Variants in OVCH1 observed in about 807,000 individuals in gnomAD.
OVCH1 encodes the protein ovochymase 1, also known as ovochymase-1.
A neutral mutation model predicts 138.4 loss-of-function variants in OVCH1; 139 were observed. The ratio of observed to expected loss-of-function variants is 1.00; its 90% confidence interval spans 0.87 to 1.16. The LOEUF (loss-of-function observed/expected upper bound fraction) is 1.16, where lower values mean the gene tolerates loss of function less well. Ranked by LOEUF, OVCH1 falls within the 50% of genes most tolerant of loss-of-function variation. OVCH1 has a pLI of 0.00. For synonymous variants in OVCH1, 453 were observed against 467.8 expected, an observed-to-expected ratio of 0.97 and a Z score of 0.41; for missense variants, 1,367 against 1,357.9, an observed-to-expected ratio of 1.01 and a Z score of -0.11.
Position 29,475,820 on chromosome 12 carries a change from A to G in OVCH1, c.1471+386T>C, listed in dbSNP as rs566954120. Among the ~76,000 whole-genome samples, 5 of 152,326 alleles carry G rather than the reference A, an allele frequency of 3.3e-5. No individual in the cohort carries two copies. In the East Asian group the frequency reaches 7.7e-4, roughly 24 times the overall value. Reference sequence around the variant, plus strand: ...TGAAGTTTTAAAAGTCTTAAAATTAATTGTCAGACCCACGTAGAAATTATA... The same window carrying G: ...TGAAGTTTTAAAAGTCTTAAAATTAGTTGTCAGACCCACGTAGAAATTATA... On this transcript the variant is annotated intron_variant, in intron 13 of 27. Coordinates refer to ENST00000318184, the Ensembl canonical transcript of OVCH1.
chr12:29,435,614 A>G (rs546949585), intron 26 of OVCH1, among the ~76,000 whole-genome samples: 90 of 152,252 alleles, frequency 5.9e-4, no homozygotes, highest in African/African-American at 2.1e-3. Context: ...TCGGCCTCCC[A>G]AAGTGCTGGG....
chr12:29,465,307 T>C (rs543449922), intron 16 of OVCH1, 88 bp from the exon 17 acceptor site: 1 of 1,111,954 alleles, frequency 9.0e-7, no homozygotes, highest in African/African-American at 1.6e-5. Flanking sequence ...TCTGAGACTA[T>C]AAAGTCTTTC....
chr12:29,470,221 T>C (rs753900522), intron 16 of OVCH1, among the ~76,000 whole-genome samples: 15 of 152,298 alleles, frequency 9.8e-5, no homozygotes, highest in Middle Eastern at 6.8e-3. Context: ...TTTTCTCTTT[T>C]GATTTTTTAA....
rs1941605010 is a variant in OVCH1 at position 29,446,024 on chromosome 12, A to C, written c.2756-621T>G. Among the ~76,000 whole-genome samples the C allele has an allele frequency of 3.3e-5, 5 of 152,240 alleles. No individual in the cohort carries two copies. The South Asian group carries it at 1.0e-3, about 32-fold the overall frequency. ...GAGAGATACCTGCTGATTGTACTACATACAACTATGTGGCACTGACATCCC... is the reference window on the plus strand; with the variant it reads ...GAGAGATACCTGCTGATTGTACTACCTACAACTATGTGGCACTGACATCCC... On this transcript the variant is annotated intron_variant, in intron 22 of 27. Coordinates refer to ENST00000318184, the Ensembl canonical transcript of OVCH1.
intron 4 of OVCH1, 142 bp downstream of exon 4, chr12:29,495,143 T>C (rs10843437): frequency 0.46 from 378,583 of 820,982 alleles, 88,862 homozygotes; most frequent in East Asian, 0.51. Context: ...CAATAGGTTA[T>C]AGACCGAACA....
At chr12:29,468,588 C>T (rs1942396239) in intron 16 of OVCH1, among the ~76,000 whole-genome samples, 1 of 152,106 alleles carries the variant, frequency 6.6e-6, no homozygotes, top group Non-Finnish European at 1.5e-5. Context: ...TTTTCTAATA[C>T]ATTAATTTTC....
chr12:29,416,991 C>T (rs1439426478), intron 3 of OVCH1, among the ~76,000 whole-genome samples: 1 of 152,110 alleles, frequency 6.6e-6, no homozygotes, highest in African/African-American at 2.4e-5. Context: ...AATGAACTAT[C>T]AAAAGGAAAG....
intron 25 of OVCH1, among the ~76,000 whole-genome samples, 114 bp downstream of exon 26, chr12:29,439,739 A>G (rs901645169): frequency 5.3e-5 from 8 of 152,222 alleles, no homozygotes; most frequent in Non-Finnish European, 1.0e-4. Flanking sequence ...TTGCAAGTCC[A>G]GGTTGTCACA....
At chr12:29,432,880 T>C (rs1164214149) in intron 27 of OVCH1, among the ~76,000 whole-genome samples, 2 of 152,146 alleles carry the variant, frequency 1.3e-5, no homozygotes, top group Non-Finnish European at 2.9e-5. Flanking sequence ...GTCTGTGTCA[T>C]GACTGAGAAG....
intron 21 of OVCH1, among the ~76,000 whole-genome samples, chr12:29,453,059 T>G (rs1169547042): frequency 1.3e-5 from 2 of 152,214 alleles, no homozygotes. Context: ...CCACCATTTA[T>G]GGACCCTTAT....
At chr12:29,406,532 A>G in the OVCH1 span, among the ~76,000 whole-genome samples, 2 of 151,768 alleles carry the variant, frequency 1.3e-5, no homozygotes, top group Non-Finnish European at 2.9e-5. Flanking sequence ...TTCAGTTCCC[A>G]CCTATGAGTG....
chr12:29,451,653 T>C, intron 21 of OVCH1, 84 bp from the exon 22 acceptor site: 2 of 1,095,546 alleles, frequency 1.8e-6, no homozygotes, highest in Admixed American at 5.3e-5. Flanking sequence ...CTGAAAAATC[T>C]AGGCTTGCAA....
At chr12:29,436,321 T>G (rs1280960357) in intron 26 of OVCH1, among the ~76,000 whole-genome samples, 1 of 151,990 alleles carries the variant, frequency 6.6e-6, no homozygotes, top group African/African-American at 2.4e-5. Context: ...TTGAAAAATA[T>G]TTCTCTAGAA....
exon 14 of OVCH1, chr12:29,475,072 A>G: frequency 1.3e-6 from 2 of 1,586,336 alleles, no homozygotes; most frequent in Middle Eastern, 1.7e-4. Context: ...TGAGGGCAAA[A>G]TGGTAAATCT....
intron 8 of OVCH1, among the ~76,000 whole-genome samples, chr12:29,480,113 T>C (rs930413392): frequency 3.3e-5 from 5 of 152,152 alleles, no homozygotes; most frequent in Non-Finnish European, 5.9e-5. Context: ...TGAGCCACCA[T>C]GCCCAGCCGG....
At chr12:29,448,723 G>T (rs1315106578) in intron 22 of OVCH1, among the ~76,000 whole-genome samples, 1 of 152,084 alleles carries the variant, frequency 6.6e-6, no homozygotes, top group Non-Finnish European at 1.5e-5. Context: ...AAATTAGGTT[G>T]TAATCATAAA....
intron 22 of OVCH1, among the ~76,000 whole-genome samples, chr12:29,446,085 C>G (rs917187935): frequency 5.3e-5 from 8 of 152,030 alleles, no homozygotes; most frequent in Admixed American, 3.3e-4. Context: ...TTCATTTTTT[C>G]TTCCTTAGTT....
intron 26 of OVCH1, chr12:29,433,885 A>T: frequency 7.9e-7 from 1 of 1,263,792 alleles, no homozygotes; most frequent in South Asian, 1.6e-5. Context: ...TCCAAAAAAA[A>T]AAGAAACAAA....
chr12:29,412,514 C>T (rs890639636), exon 5 of OVCH1: 2 of 152,166 alleles, frequency 1.3e-5, no homozygotes, highest in African/African-American at 2.4e-5. Flanking sequence ...AGACTTTTCC[C>T]ACCATTATTC....
Sources: gnomAD v4.1 joint callset for allele counts (sites outside exome capture counted in the v4.1 genomes callset) on GRCh38, gnomAD v4.1.1 for gene constraint, MANE v1.5 for transcripts, NCBI Gene and HGNC (gene_info 2026-07-23, HGNC 2026-07-21) for gene names.